SMTN: variants seen among roughly 807,000 people sequenced by gnomAD.
The protein encoded by SMTN is smoothelin.
In SMTN, 58 loss-of-function variants were observed where a neutral mutation model predicts 102.0. The observed-to-expected ratio is 0.57, with a 90% CI of 0.46 to 0.71. The LOEUF is 0.71. Among genes scored for constraint, SMTN ranks in the 30% least tolerant of loss-of-function variants. The probability of loss-of-function intolerance (pLI) is 0.00; values close to 1 mark genes in which losing one functional copy is unlikely to be tolerated. For missense variants in SMTN, 1,185 were observed against 1,241.7 expected (o/e 0.95, Z 0.69); for synonymous variants, 478 against 497.9 (o/e 0.96, Z 0.53).
Position 31,104,417 on chromosome 22 carries a change from A to G in SMTN, c.*122A>G, listed in dbSNP as rs1190534311. The G allele has an allele frequency of 6.2e-7, 1 of 1,614,102 alleles. No individual in the cohort carries two copies. The highest frequency in any genetic ancestry group is 8.5e-7 in the Non-Finnish European group (1 of 1,179,990). On this transcript the variant is annotated 3_prime_UTR_variant, in exon 21 of 21. Transcript: ENST00000333137. ...GTCTTCACCTATGTGCAGTCGCTCT[A>G]CAACCACCTGCGACGCCACGAACTG...
At chr22:31,093,899 G>T (rs766633426) in intron 11 of SMTN, 1 of 1,487,904 alleles carries the variant, frequency 6.7e-7, no homozygotes, top group Non-Finnish European at 9.0e-7. Context: ...GGGTTGGTGG[G>T]AGGGGTAGTT....
chr22:31,084,126 T>C (rs1014822182), intron 2 of SMTN, among the ~76,000 whole-genome samples: 5 of 152,186 alleles, frequency 3.3e-5, no homozygotes, highest in Non-Finnish European at 5.9e-5. Context: ...CTTGTTCCTC[T>C]TCCTGAGAGC....
chr22:31,072,339 C>T (rs926656253), intron 1 of SMTN, among the ~76,000 whole-genome samples: 7 of 152,318 alleles, frequency 4.6e-5, no homozygotes, highest in East Asian at 3.9e-4. Flanking sequence ...AGTTGGGATT[C>T]GCACCTAGAT....
rs113206389 is a variant in SMTN, at chr22:31,104,622, C to T, written c.*327C>T. The T allele has an allele frequency of 2.5e-6, 2 of 796,090 alleles. No individual in the cohort carries two copies. The highest frequency in any genetic ancestry group is 4.0e-6 in the Non-Finnish European group (2 of 497,668). 49.3% of individuals were successfully genotyped at this position (796,090 alleles called of 1,614,324 possible). ...GTTTTGATAAATTATTGGTTTTCAACGATCCTGACTCCTCTCTGCGTCTCC... is the reference window on the plus strand; with the variant it reads ...GTTTTGATAAATTATTGGTTTTCAATGATCCTGACTCCTCTCTGCGTCTCC... On this transcript the variant is annotated 3_prime_UTR_variant, in exon 21 of 21. Coordinates refer to ENST00000333137, the MANE Select transcript of SMTN (RefSeq NM_134269.3).
chr22:31,080,845 G>C (rs1602580754), upstream of SMTN: 1 of 152,390 alleles, frequency 6.6e-6, no homozygotes, highest in East Asian at 1.9e-4. Context: ...GGTGCTGCCA[G>C]TCACTCAGTC....
At chr22:31,084,885 C>T in intron 2 of SMTN, 3 of 1,151,582 alleles carry the variant, frequency 2.6e-6, no homozygotes, top group Non-Finnish European at 3.4e-6. Flanking sequence ...CGCGCCGGCC[C>T]GGCCCCCGCT....
At chr22:31,088,276 T>C (rs2042851224) in intron 3 of SMTN, 163 bp downstream of exon 3, 2 of 937,742 alleles carry the variant, frequency 2.1e-6, no homozygotes, top group African/African-American at 3.3e-5. Context: ...TTTGTGGGCA[T>C]GGAGCATGTA....
At chr22:31,092,146 G>A (rs1029947504) in intron 11 of SMTN, among the ~76,000 whole-genome samples, 1 of 152,244 alleles carries the variant, frequency 6.6e-6, no homozygotes, top group Non-Finnish European at 1.5e-5. Flanking sequence ...CTGGTGAACA[G>A]ATGGGGAAAC....
chr22:31,069,384 C>T (rs991401732), intron 1 of SMTN, among the ~76,000 whole-genome samples: 18 of 152,170 alleles, frequency 1.2e-4, no homozygotes, highest in Non-Finnish European at 5.9e-5. Flanking sequence ...GAACTGCCTC[C>T]CCAAAGGAAC....
chr22:31,097,371 GGA>G, intron 16 of SMTN, 33 bp downstream of exon 16: 1 of 1,593,326 alleles, frequency 6.3e-7, no homozygotes, highest in Non-Finnish European at 8.6e-7. Flanking sequence ...TGACCATAGA[GGA>G]GTCAGTGCCA....
chr22:31,095,393 C>T lies in SMTN; in HGVS notation c.1723C>T (p.Arg575Trp), dbSNP rs747408886. 33 of 1,614,226 alleles carry T rather than the reference C, an allele frequency of 2.0e-5. No homozygotes were observed. Among genetic ancestry groups the T allele is most frequent in the Admixed American group, 1.2e-4 (7 of 60,028 alleles). ...QTRVNKAPEG[R>W]SPLSAEELMT... Reference sequence around the variant, plus strand: ...CCGAGTGAACAAAGCACCAGAAGGGCGGAGCCCTCTGAGCGCTGAGGAGCT... The same window carrying T: ...CCGAGTGAACAAAGCACCAGAAGGGTGGAGCCCTCTGAGCGCTGAGGAGCT... Residue 575 changes from arginine (R) to tryptophan (W), a missense_variant, in exon 12 of 21, where the codon CGG becomes TGG. Transcript: ENST00000333137. The surrounding 1 kb of genome is among the most constrained non-coding windows in gnomAD (Gnocchi z 4.1).
chr22:31,096,785 AG>A lies in SMTN; in HGVS notation c.1918del (p.Glu640ArgfsTer53). ...RRLQEARGRP[G>X]EGRGNTATET... ...GGCTGCAGGAGGCACGGGGCCGGCC[AG>A]GGGAGGGGCGCGGCAACACAGCCAC... On this transcript the variant is annotated frameshift_variant, in exon 14 of 21. Coordinates refer to ENST00000333137, the MANE Select transcript of SMTN (RefSeq NM_134269.3). LOFTEE classifies it high-confidence loss of function. 1.3e-6 allele frequency: 2 copies of A among 1,564,826 alleles called. No homozygotes were observed. The highest frequency in any genetic ancestry group is 8.6e-7 in the Non-Finnish European group (1 of 1,156,978).
rs59040826 is a variant in SMTN, at chr22:31,073,011, C to CTTTTTTTTTTT, written c.-385-7428_-385-7418dup. ...GCTGAAGTTGATTCTCTCTCTCTCT[C>CTTTTTTTTTTT]TTTTTTTTTTTTTTTTTTTTTGAGA... is the stretch of plus-strand genomic sequence containing the variant. On this transcript the variant is annotated intron_variant, in intron 1 of 3. Transcript: ENST00000422839. 6.2e-4 allele frequency among the ~76,000 whole-genome samples: 53 copies of CTTTTTTTTTTT among 85,660 alleles called. 7 individuals are homozygous for CTTTTTTTTTTT. The highest frequency in any genetic ancestry group is 2.3e-3 in the African/African-American group (46 of 19,618). 56.2% of individuals were successfully genotyped at this position (85,660 alleles called of 152,430 possible).
At chr22:31,084,454 C>T (rs887931234) in intron 2 of SMTN, among the ~76,000 whole-genome samples, 9 of 152,240 alleles carry the variant, frequency 5.9e-5, no homozygotes, top group Non-Finnish European at 1.0e-4. Context: ...GCGCATTAGA[C>T]TCTCTGGGTG....
chr22:31,086,593 G>C (rs945931359), intron 2 of SMTN, among the ~76,000 whole-genome samples: 1 of 152,154 alleles, frequency 6.6e-6, no homozygotes, highest in Admixed American at 6.5e-5. Flanking sequence ...CTATGTACAG[G>C]AGAGGCCAAG....
chr22:31,092,819 GATGTACCCATA>G (rs2147718846), intron 11 of SMTN, among the ~76,000 whole-genome samples: 1 of 152,342 alleles, frequency 6.6e-6, no homozygotes, highest in Admixed American at 6.5e-5. Flanking sequence ...GGGGACAGGT[GATGTACCCATA>G]ATGTGCTTGC....
At chr22:31,098,588 C>CG (rs967887366) in intron 16 of SMTN, 79 bp from the exon 17 acceptor site, 12 of 1,436,582 alleles carry the variant, frequency 8.4e-6, no homozygotes, top group African/African-American at 5.7e-5. Context: ...CAAGACCCCC[C>CG]CTCCTCCTCG....
At chr22:31,067,650 G>T (rs953924681) in intron 1 of SMTN, 4 of 148,530 alleles carry the variant, frequency 2.7e-5, no homozygotes, top group African/African-American at 1.0e-4. Flanking sequence ...TGCCTCCCGG[G>T]TTCACGCCAT....
chr22:31,095,501 C>T lies in SMTN; in HGVS notation c.1786-33C>T. Reference sequence around the variant, plus strand: ...CTGGGGGTTGGCAGAGGCCAGCAGGCACCAGGTAGGCAATGATGGGCTCTA... The same window carrying T: ...CTGGGGGTTGGCAGAGGCCAGCAGGTACCAGGTAGGCAATGATGGGCTCTA... On this transcript the variant is annotated intron_variant, in intron 12 of 20. Coordinates refer to ENST00000333137, the MANE Select transcript of SMTN (RefSeq NM_134269.3). The surrounding 1 kb of genome is among the most constrained non-coding windows in gnomAD (Gnocchi z 4.1). 6.2e-7 allele frequency: 1 copy of T among 1,614,148 alleles called. No individual in the cohort carries two copies. The highest frequency in any genetic ancestry group is 1.1e-5 in the South Asian group (1 of 91,090).
Sources: gnomAD v4.1 joint callset for allele counts (sites outside exome capture counted in the v4.1 genomes callset) on GRCh38, gnomAD v4.1.1 for gene constraint, Gnocchi (gnomAD v3.1) non-coding constraint, MANE v1.5 for transcripts, NCBI Gene and HGNC (gene_info 2026-07-23, HGNC 2026-07-21) for gene names.